NFS1: variants seen among roughly 807,000 people sequenced by gnomAD.
NFS1 encodes the protein NFS1 cysteine desulfurase.
A neutral mutation model predicts 57.3 loss-of-function variants in NFS1; 26 were observed. The ratio of observed to expected loss-of-function variants is 0.45; its 90% CI spans 0.33 to 0.63. NFS1 has a LOEUF of 0.63. NFS1 is among the 20% of genes least tolerant of loss of function. The pLI is 0.02. For missense variants in NFS1, 505 were observed against 605.8 expected (o/e 0.83, Z 1.75); for synonymous variants, 209 against 216.3 (o/e 0.97, Z 0.30).
chr20:35,692,230 G>A (rs775086935), intron 4 of NFS1: 1 of 269,250 alleles, frequency 3.7e-6, no homozygotes, highest in Non-Finnish European at 7.2e-6. Context: ...AAAAATTAGC[G>A]AGGTGTGGTG....
intron 3 of NFS1, among the ~76,000 whole-genome samples, chr20:35,696,725 T>C (rs1234357477): frequency 6.6e-6 from 1 of 152,160 alleles, no homozygotes; most frequent in Admixed American, 6.5e-5. Flanking sequence ...CCCCAGCACT[T>C]TGGGAGGCCG....
Position 35,668,829 on chromosome 20 carries a change from C to T in NFS1, c.*793G>A, listed in dbSNP as rs975185704. ...CAGAACAAATCTGGCTCCTGGCAGG[C>T]ATTCAAATAATTCTTAAATGAAGAG... On this transcript the variant is annotated 3_prime_UTR_variant, in exon 13 of 13. Transcript: ENST00000374092. 5.3e-5 allele frequency: 8 copies of T among 152,168 alleles called. No individual in the cohort carries two copies. The highest frequency in any genetic ancestry group is 8.8e-5 in the Non-Finnish European group (6 of 68,032). The allele number at this position is 152,168 out of a possible 1,614,324, so 9.4% of individuals were successfully genotyped here.
intron 5 of NFS1, 27 bp downstream of exon 5, chr20:35,690,386 G>T (rs752486490): frequency 1.3e-6 from 2 of 1,596,068 alleles, no homozygotes; most frequent in South Asian, 1.1e-5. Context: ...CTCCATTTTT[G>T]CTCCTCCTGC....
At chr20:35,694,045 CTAAGA>C (rs1480635891) in intron 4 of NFS1, among the ~76,000 whole-genome samples, 1 of 152,030 alleles carries the variant, frequency 6.6e-6, no homozygotes, top group South Asian at 2.1e-4. Flanking sequence ...ACTTGGGAGG[CTAAGA>C]TGAGAGGATT....
intron 5 of NFS1, among the ~76,000 whole-genome samples, chr20:35,689,096 A>C (rs1393553264): frequency 6.6e-6 from 1 of 152,218 alleles, no homozygotes; most frequent in Non-Finnish European, 1.5e-5. Flanking sequence ...GGGAAGGAGG[A>C]GGCCAGAGCT....
At chr20:35,671,584 A>C (rs1023390324) in intron 12 of NFS1, among the ~76,000 whole-genome samples, 5 of 151,758 alleles carry the variant, frequency 3.3e-5, no homozygotes, top group African/African-American at 9.7e-5. Flanking sequence ...AGATAATAAT[A>C]ATCATAATGA....
intron 5 of NFS1, among the ~76,000 whole-genome samples, chr20:35,686,388 A>T: frequency 6.6e-6 from 1 of 152,174 alleles, no homozygotes; most frequent in Non-Finnish European, 1.5e-5. Flanking sequence ...TGACAAAAGA[A>T]AAATACATAG....
intron 9 of NFS1, 26 bp downstream of exon 9, chr20:35,674,486 T>G (rs1568956251): frequency 1.9e-6 from 3 of 1,611,826 alleles, no homozygotes; most frequent in Non-Finnish European, 2.5e-6. Flanking sequence ...TCTACCAGAA[T>G]GAGGATAGAA....
At chr20:35,683,997 C>T (rs919399038) in intron 5 of NFS1, among the ~76,000 whole-genome samples, 2 of 149,898 alleles carry the variant, frequency 1.3e-5, no homozygotes, top group African/African-American at 4.9e-5. Context: ...CCTGTAATCC[C>T]AGCTACTCGG....
Position 35,683,541 on chromosome 20 carries a change from G to A in NFS1, c.562-1560C>T, listed in dbSNP as rs140045470. Among the ~76,000 whole-genome samples, 97 of 151,786 alleles carry A rather than the reference G, an allele frequency of 6.4e-4. 1 individual carries two copies. The East Asian group carries it at 0.018, about 28-fold the overall frequency. ...CACACCTGTAATCCAAGCACTTTGGGAGGCTGAGGCGGGCGTATCACAAAG... is the reference window on the plus strand; with the variant it reads ...CACACCTGTAATCCAAGCACTTTGGAAGGCTGAGGCGGGCGTATCACAAAG... On this transcript the variant is annotated intron_variant, in intron 5 of 12. Transcript: ENST00000374092.
chr20:35,680,925 G>C, intron 6 of NFS1, 54 bp from the exon 7 acceptor site: 1 of 1,390,644 alleles, frequency 7.2e-7, no homozygotes, highest in Non-Finnish European at 9.5e-7. Flanking sequence ...TCATCTGTCA[G>C]AGTCCCACAG....
chr20:35,691,006 T>G (rs2035031640), intron 4 of NFS1, among the ~76,000 whole-genome samples: 1 of 152,198 alleles, frequency 6.6e-6, no homozygotes, highest in South Asian at 2.1e-4. Context: ...TTGCAACAAA[T>G]GTACCACTTG....
chr20:35,671,768 T>C (rs1206685430), intron 12 of NFS1, among the ~76,000 whole-genome samples: 2 of 151,374 alleles, frequency 1.3e-5, no homozygotes, highest in East Asian at 3.9e-4. Context: ...CACATGCCTG[T>C]AGTACCAGCT....
intron 5 of NFS1, among the ~76,000 whole-genome samples, chr20:35,686,091 G>A (rs1430433166): frequency 2.7e-5 from 4 of 149,486 alleles, no homozygotes; most frequent in Non-Finnish European, 3.0e-5. Context: ...AACCACACCC[G>A]GCTAATTTTT....
chr20:35,673,203 G>A (rs1459023804), intron 11 of NFS1, among the ~76,000 whole-genome samples: 1 of 151,874 alleles, frequency 6.6e-6, no homozygotes, highest in Admixed American at 6.6e-5. Context: ...CAGGAGAATT[G>A]CTTGAACCTG....
rs2034718459 is a variant in NFS1, at chr20:35,675,081, C to T, written c.912G>A (p.Leu304=). The T allele has an allele frequency of 1.2e-6, 2 of 1,614,088 alleles. No individual in the cohort carries two copies. Among genetic ancestry groups the T allele is most frequent in the Non-Finnish European group, 8.5e-7 (1 of 1,179,984 alleles). Reference sequence around the variant, plus strand: ...GCTGTGCCACCTCACACGCAGCCCCCAGCCCCACCACTAAGGGTGTGGGCA... The same window carrying T: ...GCTGTGCCACCTCACACGCAGCCCCTAGCCCCACCACTAAGGGTGTGGGCA... ...GTVPTPLVVG[L]GAACEVAQQE... is the part of the protein sequence containing the mutation. The change falls in exon 8 of 13, where the codon CTG becomes CTA. Residue 304 remains leucine, a synonymous_variant. Transcript: ENST00000374092.
intron 6 of NFS1, among the ~76,000 whole-genome samples, chr20:35,681,420 G>A (rs568237546): frequency 5.3e-5 from 8 of 152,290 alleles, no homozygotes; most frequent in East Asian, 3.9e-4. Context: ...AGACCTGGCC[G>A]GGAGCAGTGG....
chr20:35,677,429 T>C (rs1235817374), intron 7 of NFS1, among the ~76,000 whole-genome samples: 1 of 151,886 alleles, frequency 6.6e-6, no homozygotes, highest in African/African-American at 2.4e-5. Flanking sequence ...CCAGCTACTC[T>C]GGAGGCTAAG....
intron 7 of NFS1, 138 bp downstream of exon 7, chr20:35,680,599 G>T: frequency 1.6e-6 from 1 of 632,034 alleles, no homozygotes; most frequent in Non-Finnish European, 2.4e-6. Context: ...ATTGCTAAAT[G>T]ACATTTGCAT....
Sources: gnomAD v4.1 joint callset for allele counts (sites outside exome capture counted in the v4.1 genomes callset) on GRCh38, gnomAD v4.1.1 for gene constraint, MANE v1.5 for transcripts, NCBI Gene and HGNC (gene_info 2026-07-23, HGNC 2026-07-21) for gene names.